The following UNC13A variants were observed in gnomAD, a reference collection of about 807,000 sequenced individuals.
UNC13A encodes the protein protein unc-13 homolog A.
A neutral mutation model predicts 219.7 loss-of-function variants in UNC13A; 61 were observed. The ratio of observed to expected loss-of-function variants is 0.28; its 90% CI spans 0.23 to 0.34. UNC13A has a LOEUF of 0.34. Among genes scored for constraint, UNC13A ranks in the 10% least tolerant of loss-of-function variants. The probability of loss-of-function intolerance (pLI) is 1.00; values close to 1 mark genes in which losing one functional copy is unlikely to be tolerated. For missense variants in UNC13A, 1,476 were observed against 2,270.3 expected (o/e 0.65, Z 7.11); for synonymous variants, 920 against 884.6 (o/e 1.04, Z -0.71).
intron 29 of UNC13A, 150 bp downstream of exon 29, chr19:17,630,504 T>G: frequency 8.9e-7 from 1 of 1,129,008 alleles, no homozygotes. Flanking sequence ...CATTTTGTAG[T>G]TGATGAATGA....
At chr19:17,675,677 G>A (rs2079884420) in intron 2 of UNC13A, among the ~76,000 whole-genome samples, 2 of 149,424 alleles carry the variant, frequency 1.3e-5, no homozygotes, top group South Asian at 2.1e-4. Context: ...AACTCCTTTC[G>A]CCTCTCTGAG....
Position 17,657,186 on chromosome 19 carries a change from C to T in UNC13A, c.768-788G>A, listed in dbSNP as rs184900764. On this transcript the variant is annotated intron_variant, in intron 9 of 43. Coordinates refer to ENST00000519716, the MANE Select transcript of UNC13A (RefSeq NM_001080421.3). ...CTAGTGCCTTGGAATAAAATCTGTGCTAGCCCTGTGTGGCCCATACGCTCC... is the reference window on the plus strand; with the variant it reads ...CTAGTGCCTTGGAATAAAATCTGTGTTAGCCCTGTGTGGCCCATACGCTCC... Among the ~76,000 whole-genome samples the T allele has an allele frequency of 2.2e-4, 34 of 152,272 alleles. No individual in the cohort carries two copies. The East Asian group carries it at 4.8e-3, about 22-fold the overall frequency.
At position 17,669,578 on chromosome 19, in the gene UNC13A, C is replaced by G; in HGVS notation, c.369G>C (p.Leu123=). Residue 123 remains leucine, a synonymous_variant, in exon 5 of 44, where the codon CTG becomes CTC. Coordinates refer to ENST00000519716, the MANE Select transcript of UNC13A (RefSeq NM_001080421.3). ...CTAAGGGTAGCTCAAAGCGCGTGTC[C>G]AGGAGGATGCGGTGGAAGGTGGGGT... is the stretch of plus-strand genomic sequence containing the variant. The part of the protein sequence containing the change: ...TKDPTFHRIL[L]DTRFELPLDI... The G allele has an allele frequency of 6.2e-7, 1 of 1,613,792 alleles. No individual in the cohort carries two copies. Among genetic ancestry groups the G allele is most frequent in the Non-Finnish European group, 8.5e-7 (1 of 1,179,788 alleles).
At chr19:17,628,759 T>TTATA (rs1300541514) in intron 31 of UNC13A, among the ~76,000 whole-genome samples, 1 of 151,736 alleles carries the variant, frequency 6.6e-6, no homozygotes, top group Non-Finnish European at 1.5e-5. Context: ...CACATTCATG[T>TTATA]TATACCCAGT....
chr19:17,667,919 C>A (rs1368675399), intron 6 of UNC13A, among the ~76,000 whole-genome samples, 198 bp downstream of exon 6: 2 of 151,922 alleles, frequency 1.3e-5, no homozygotes, highest in Non-Finnish European at 2.9e-5. Flanking sequence ...CTGCGCCTGG[C>A]CTCTGTGTGT....
rs186494402 is a variant in UNC13A, at chr19:17,620,887, G to T, written c.4243-165C>A. On this transcript the variant is annotated intron_variant, in intron 37 of 43. Coordinates refer to ENST00000519716, the MANE Select transcript of UNC13A (RefSeq NM_001080421.3). ...CCCCTCCCCAGCTAGCACCTCCTCTGGTCCCCTAGCAGGGGTTTAGAGGTC... is the reference window on the plus strand; with the variant it reads ...CCCCTCCCCAGCTAGCACCTCCTCTTGTCCCCTAGCAGGGGTTTAGAGGTC... Among the ~76,000 whole-genome samples, 398 of 152,090 alleles carry T rather than the reference G, an allele frequency of 2.6e-3. 4 individuals carry two copies. The highest frequency in any genetic ancestry group is 8.6e-3 in the African/African-American group (356 of 41,482).
intron 43 of UNC13A, among the ~76,000 whole-genome samples, chr19:17,608,446 TTA>T (rs1212819991): frequency 2.2e-4 from 30 of 139,374 alleles, no homozygotes; most frequent in African/African-American, 7.4e-4. Flanking sequence ...TTATTATATA[TTA>T]TATAATATAA....
intron 41 of UNC13A, among the ~76,000 whole-genome samples, chr19:17,614,981 GC>G (rs1568501084): frequency 6.6e-6 from 1 of 152,134 alleles, no homozygotes; most frequent in Non-Finnish European, 1.5e-5. Context: ...AGTGCTGGGT[GC>G]CCCCATCCCG....
At chr19:17,639,641 A>T (rs1436799551) in intron 23 of UNC13A, 116 bp from the exon 24 acceptor site, 4 of 1,246,434 alleles carry the variant, frequency 3.2e-6, no homozygotes, top group Non-Finnish European at 4.5e-6. Context: ...TGATTAGAGC[A>T]CCTCGAAGCA....
At chr19:17,659,757 A>G (rs2079520135) in intron 8 of UNC13A, among the ~76,000 whole-genome samples, 1 of 152,172 alleles carries the variant, frequency 6.6e-6, no homozygotes, top group Non-Finnish European at 1.5e-5. Flanking sequence ...TGTCAGAATG[A>G]GACCCTGTAT....
intron 1 of UNC13A, among the ~76,000 whole-genome samples, chr19:17,676,675 G>C (rs1039907262): frequency 1.3e-5 from 2 of 152,160 alleles, no homozygotes; most frequent in Non-Finnish European, 2.9e-5. Flanking sequence ...CTCAAAGAAG[G>C]CTGGGTGAGT....
intron 7 of UNC13A, among the ~76,000 whole-genome samples, chr19:17,664,091 A>C (rs1599395815): frequency 1.3e-5 from 2 of 152,138 alleles, no homozygotes; most frequent in Non-Finnish European, 2.9e-5. Flanking sequence ...GGCATGAGCC[A>C]CTGTGCCTGG....
chr19:17,640,155 C>T (rs2076953624), intron 22 of UNC13A, among the ~76,000 whole-genome samples: 1 of 152,268 alleles, frequency 6.6e-6, no homozygotes, highest in Admixed American at 6.5e-5. Flanking sequence ...CTGCCTCAGC[C>T]TCCCAAGTGG....
intron 41 of UNC13A, 130 bp from the exon 42 acceptor site, chr19:17,611,985 T>TG (rs1599826275): frequency 4.3e-6 from 3 of 692,724 alleles, no homozygotes; most frequent in Non-Finnish European, 7.3e-6. Context: ...GAGGCACTGA[T>TG]GGGGGGCCAG....
Position 17,686,238 on chromosome 19 carries a change from C to T in UNC13A, c.22+1940G>A, listed in dbSNP as rs573223199. Among the ~76,000 whole-genome samples the T allele has an allele frequency of 5.3e-5, 8 of 150,560 alleles. No homozygotes were observed. In the South Asian group the frequency reaches 1.5e-3, roughly 28 times the overall value. On this transcript the variant is annotated intron_variant, in intron 1 of 43. Transcript: ENST00000519716. Reference sequence around the variant, plus strand: ...TCCCTCTTGCCTCCTGCTGCCCCCCCTTAATGCCACCCCCGCAGCCGAGCC... The same window carrying T: ...TCCCTCTTGCCTCCTGCTGCCCCCCTTTAATGCCACCCCCGCAGCCGAGCC...
At chr19:17,630,803 C>T (rs2076835090) in intron 28 of UNC13A, 53 bp from the exon 29 acceptor site, 15 of 1,538,730 alleles carry the variant, frequency 9.7e-6, no homozygotes, top group Non-Finnish European at 1.2e-5. Context: ...TCCTCAACCT[C>T]TGCGCCGCCT....
intron 42 of UNC13A, among the ~76,000 whole-genome samples, chr19:17,610,697 G>T (rs1258404378): frequency 6.6e-6 from 1 of 152,108 alleles, no homozygotes; most frequent in Non-Finnish European, 1.5e-5. Flanking sequence ...TGCAATGCTT[G>T]TGGGGGCTGA....
At chr19:17,648,683 G>A in intron 15 of UNC13A, 33 bp from the exon 16 acceptor site, 1 of 1,583,074 alleles carries the variant, frequency 6.3e-7, no homozygotes, top group Non-Finnish European at 8.6e-7. Context: ...GTTTGGGGGC[G>A]CCTAACCTGG....
chr19:17,659,340 G>A (rs2079513066), intron 8 of UNC13A, among the ~76,000 whole-genome samples: 1 of 152,122 alleles, frequency 6.6e-6, no homozygotes, highest in Non-Finnish European at 1.5e-5. Context: ...CTCCTTGGGA[G>A]GCTGAGGCAG....
Sources: gnomAD v4.1 joint callset for allele counts (sites outside exome capture counted in the v4.1 genomes callset) on GRCh38, gnomAD v4.1.1 for gene constraint, MANE v1.5 for transcripts, NCBI Gene and HGNC (gene_info 2026-07-23, HGNC 2026-07-21) for gene names.